Variants in PREX2 observed in about 807,000 individuals in gnomAD.
PREX2 encodes the protein phosphatidylinositol-3,4,5-trisphosphate dependent Rac exchange factor 2, also known as phosphatidylinositol 3,4,5-trisphosphate-dependent Rac exchanger 2 protein.
PREX2 carries 107 observed loss-of-function variants against 203.2 expected under a neutral mutation model. The ratio of observed to expected loss-of-function variants is 0.53; its 90% CI spans 0.45 to 0.62. The LOEUF is 0.62. PREX2 is among the 20% of genes least tolerant of loss of function. The probability of loss-of-function intolerance (pLI) is 0.00; values close to 1 mark genes in which losing one functional copy is unlikely to be tolerated. For missense variants in PREX2, 1,777 were observed against 1,955.9 expected (o/e 0.91, Z 1.72); for synonymous variants, 672 against 663.6 (o/e 1.01, Z -0.19).
chr8:68,218,128 G>C (rs1305439106), intron 38 of PREX2, among the ~76,000 whole-genome samples: 4 of 152,176 alleles, frequency 2.6e-5, no homozygotes, highest in African/African-American at 9.7e-5. Flanking sequence ...GCTGGTTCCT[G>C]GTGACTGCCA....
intron 11 of PREX2, among the ~76,000 whole-genome samples, chr8:68,064,572 C>T (rs1401595533): frequency 6.6e-6 from 1 of 151,282 alleles, no homozygotes; most frequent in African/African-American, 2.4e-5. Context: ...GAAATGAGGT[C>T]TTGTTATGTT....
At chr8:68,088,043 T>C (rs551190518) in intron 19 of PREX2, among the ~76,000 whole-genome samples, 1 of 152,348 alleles carries the variant, frequency 6.6e-6, no homozygotes, top group South Asian at 2.1e-4. Flanking sequence ...ATCTCACTTT[T>C]CTGCATCCTT....
intron 8 of PREX2, among the ~76,000 whole-genome samples, chr8:68,050,660 GC>G (rs1285304225): frequency 6.6e-6 from 1 of 152,150 alleles, no homozygotes; most frequent in African/African-American, 2.4e-5. Context: ...TGAAACAATA[GC>G]CACATGTGAT....
At chr8:68,046,836 A>T (rs1316941342) in intron 8 of PREX2, among the ~76,000 whole-genome samples, 2 of 151,968 alleles carry the variant, frequency 1.3e-5, no homozygotes, top group Admixed American at 1.3e-4. Context: ...TGGATACCAT[A>T]CCCTAGTTTC....
intron 17 of PREX2, among the ~76,000 whole-genome samples, chr8:68,081,787 T>C (rs6988511): frequency 0.53 from 80,761 of 151,588 alleles, 21,522 homozygotes; most frequent in South Asian, 0.56. Context: ...CTCTGCCTTC[T>C]GGGTTCAAGT....
intron 1 of PREX2, among the ~76,000 whole-genome samples, chr8:67,999,995 C>A (rs1027407394): frequency 1.3e-5 from 2 of 152,094 alleles, no homozygotes; most frequent in Non-Finnish European, 2.9e-5. Flanking sequence ...TGTGACAAAC[C>A]CACAGCCAAC....
intron 37 of PREX2, among the ~76,000 whole-genome samples, chr8:68,207,483 G>A (rs1490890308): frequency 6.6e-6 from 1 of 152,088 alleles, no homozygotes; most frequent in African/African-American, 2.4e-5. Flanking sequence ...TTTAAAATAA[G>A]TATGTATTGA....
At chr8:68,130,798 A>G (rs1446635212) in intron 31 of PREX2, among the ~76,000 whole-genome samples, 2 of 152,212 alleles carry the variant, frequency 1.3e-5, no homozygotes, top group African/African-American at 2.4e-5. Flanking sequence ...CCACTGTGCT[A>G]TATAATTAGC....
intron 3 of PREX2, 142 bp downstream of exon 3, chr8:68,019,813 T>C: frequency 1.4e-6 from 1 of 733,068 alleles, no homozygotes; most frequent in Admixed American, 2.8e-5. Context: ...GCCAATGAGA[T>C]CTTCCACTTA....
At chr8:68,084,218 T>G (rs1376639325) in intron 18 of PREX2, among the ~76,000 whole-genome samples, 1 of 152,178 alleles carries the variant, frequency 6.6e-6, no homozygotes, top group African/African-American at 2.4e-5. Flanking sequence ...AGATAATTTG[T>G]ACAAACTATT....
chr8:68,072,662 A>G, intron 14 of PREX2, 92 bp downstream of exon 14: 2 of 717,476 alleles, frequency 2.8e-6, no homozygotes, highest in South Asian at 3.6e-5. Context: ...TTTCATCTGT[A>G]GCAGGCATTT....
chr8:68,078,394 C>T (rs1469780), intron 15 of PREX2, among the ~76,000 whole-genome samples: 78,086 of 151,982 alleles, frequency 0.51, 20,126 homozygotes, highest in South Asian at 0.56. Flanking sequence ...AACTCCTGAC[C>T]TCAAGTAATT....
chr8:68,213,664 C>A (rs2890424), intron 37 of PREX2, among the ~76,000 whole-genome samples: 9,759 of 152,208 alleles, frequency 0.064, 510 homozygotes, highest in African/African-American at 0.14. Flanking sequence ...GGGATCTATT[C>A]TCAGTACAAA....
intron 14 of PREX2, among the ~76,000 whole-genome samples, chr8:68,076,317 T>G (rs887767111): frequency 6.6e-6 from 1 of 151,742 alleles, no homozygotes; most frequent in Admixed American, 6.6e-5. Flanking sequence ...ATTAGCCGGG[T>G]GTGTTGGCAT....
At chr8:68,158,069 A>ATG (rs1811576680) in intron 35 of PREX2, among the ~76,000 whole-genome samples, 1 of 146,686 alleles carries the variant, frequency 6.8e-6, no homozygotes, top group Non-Finnish European at 1.5e-5. Flanking sequence ...GTGAATATAT[A>ATG]TATGTATATA....
At chr8:68,028,746 G>C (rs1450871150) in intron 5 of PREX2, among the ~76,000 whole-genome samples, 1 of 151,942 alleles carries the variant, frequency 6.6e-6, no homozygotes, top group African/African-American at 2.4e-5. Flanking sequence ...AGTTATTCCT[G>C]ACCCTGATTT....
Position 68,118,607 on chromosome 8 carries a change from G to C in PREX2, c.3384G>C (p.Gln1128His). 2 of 1,614,106 alleles carry C rather than the reference G, an allele frequency of 1.2e-6. No homozygotes were observed. The highest frequency in any genetic ancestry group is 1.7e-5 in the Admixed American group (1 of 60,020). The change falls in exon 27 of 40, where the codon CAG becomes CAC. Residue 1128 changes from glutamine (Q) to histidine (H), a missense_variant. Physicochemically the swap from Gln to His is conservative, Grantham distance 24. Transcript: ENST00000288368. ...IASFTSICSS[Q>H]CSSYFHSDEM... Reference sequence around the variant, plus strand: ...CCTTCACCAGCATCTGCAGCAGCCAGTGCAGCTCGTATTTCCACAGTGATG... The same window carrying C: ...CCTTCACCAGCATCTGCAGCAGCCACTGCAGCTCGTATTTCCACAGTGATG...
chr8:68,170,490 A>G (rs1021439163), intron 35 of PREX2, among the ~76,000 whole-genome samples: 3 of 152,226 alleles, frequency 2.0e-5, no homozygotes, highest in African/African-American at 7.2e-5. Context: ...TGCCACATGC[A>G]TTATAGCCTT....
chr8:68,044,210 T>C (rs1038103589), intron 7 of PREX2, among the ~76,000 whole-genome samples: 2 of 152,098 alleles, frequency 1.3e-5, no homozygotes, highest in African/African-American at 2.4e-5. Flanking sequence ...ATGTCTTATA[T>C]TGAGCAAAAG....
Sources: gnomAD v4.1 joint callset for allele counts (sites outside exome capture counted in the v4.1 genomes callset) on GRCh38, gnomAD v4.1.1 for gene constraint, MANE v1.5 for transcripts, NCBI Gene and HGNC (gene_info 2026-07-23, HGNC 2026-07-21) for gene names.